Variants in LRATD2 observed in about 807,000 individuals in gnomAD.
LRATD2 encodes protein LRATD2.
A neutral mutation model predicts 12.0 loss-of-function variants in LRATD2; 10 were observed. That is an observed-to-expected ratio of 0.83 (90% CI 0.51 to 1.41). LRATD2 has a LOEUF of 1.41. Among genes scored for constraint, LRATD2 ranks in the 40% most tolerant of loss-of-function variants. LRATD2 has a pLI of 0.00. For missense variants in LRATD2, 455 were observed against 446.1 expected (o/e 1.02, Z -0.18); for synonymous variants, 220 against 205.8 (o/e 1.07, Z -0.59).
In LRATD2 at chr8:126,557,337, G is replaced by C. The variant is rs1301062923; in HGVS notation, c.53C>G (p.Thr18Arg). Residue 18 changes from threonine (T) to arginine (R), a missense_variant, in exon 2 of 2, where the codon ACG becomes AGG. Transcript: ENST00000304916. This position sits in a 1 kb window ranked among gnomAD's most constrained non-coding sequence, Gnocchi z 5.3. ...LTHLSYKEVP[T>R]ADPTGVDRDD... is the part of the protein sequence containing the mutation. ...CCGGTCCACGCCAGTCGGGTCGGCC[G>C]TGGGAACTTCCTTGTAACTTAGGTG... 1 of 1,613,798 alleles carries C rather than the reference G, an allele frequency of 6.2e-7. No homozygotes were observed. Among genetic ancestry groups the C allele is most frequent in the East Asian group, 2.2e-5 (1 of 44,842 alleles).
Position 126,553,536 on chromosome 8 carries a change from AT to A in LRATD2, c.*2920del, listed in dbSNP as rs1324967499. 1 of 152,622 alleles carries A rather than the reference AT, an allele frequency of 6.6e-6. No homozygotes were observed. The highest frequency in any genetic ancestry group is 2.4e-5 in the African/African-American group (1 of 41,442). 9.5% of individuals were successfully genotyped at this position (152,622 alleles called of 1,614,324 possible). A position where few individuals can be genotyped will look rare whatever the true frequency, so the allele number is the denominator to read the frequency against. ...GAAACAAAAATTATTAAATATGTTT[AT>A]TTTTTCTAAAGTGTCAAATGTAGCC... On this transcript the variant is annotated 3_prime_UTR_variant, in exon 2 of 2. Coordinates refer to ENST00000304916, the MANE Select transcript of LRATD2 (RefSeq NM_174911.5).
chr8:126,556,070 G>T lies in LRATD2; in HGVS notation c.*387C>A. 1 of 227,294 alleles carries T rather than the reference G, an allele frequency of 4.4e-6. No homozygotes were observed. The highest frequency in any genetic ancestry group is 8.5e-6 in the Non-Finnish European group (1 of 117,570). The allele number at this position is 227,294 out of a possible 1,614,324, so 14.1% of individuals were successfully genotyped here. ...TTCTACCAGGATTCTTCCAAGCCCA[G>T]GATAGGAAGCAACGGCAGGAATGGG... is the stretch of plus-strand genomic sequence containing the variant. On this transcript the variant is annotated 3_prime_UTR_variant, in exon 2 of 2. Transcript: ENST00000304916. This position sits in a 1 kb window ranked among gnomAD's most constrained non-coding sequence, Gnocchi z 5.6.
rs1252224861 is a variant in LRATD2, at chr8:126,556,426, C to A, written c.*31G>T. 2 of 1,521,564 alleles carry A rather than the reference C, an allele frequency of 1.3e-6. No individual in the cohort carries two copies. The highest frequency in any genetic ancestry group is 1.4e-5 in the African/African-American group (1 of 70,556). 94.3% of individuals were successfully genotyped at this position (1,521,564 alleles called of 1,614,324 possible). On this transcript the variant is annotated 3_prime_UTR_variant, in exon 2 of 2. Transcript: ENST00000304916. This position sits in a 1 kb window ranked among gnomAD's most constrained non-coding sequence, Gnocchi z 5.6. ...GCAGCGGCTGCTACTGCAAACAGTT[C>A]CCCTTCGCAGCTCTGCGCTCAGCTC...
In LRATD2 at chr8:126,557,096, C is replaced by A. The variant is rs769039783; in HGVS notation, c.294G>T (p.Ala98=). 5.0e-6 allele frequency: 8 copies of A among 1,611,718 alleles called. No individual in the cohort carries two copies. The highest frequency in any genetic ancestry group is 5.9e-6 in the Non-Finnish European group (7 of 1,179,994). The change falls in exon 2 of 2, where the codon GCG becomes GCT. Residue 98 remains alanine, a synonymous_variant. Transcript: ENST00000304916. The surrounding 1 kb of genome is among the most constrained non-coding windows in gnomAD (Gnocchi z 5.3). The part of the protein sequence containing the change: ...RDECIYQKSF[A]PGSAALSTYT... ...AGGTACTCAGCGCCGCCGAGCCCGG[C>A]GCGAAGCTCTTCTGGTAGATGCATT...
Position 126,556,651 on chromosome 8 carries a change from G to T in LRATD2, c.739C>A (p.Leu247Ile). The change falls in exon 2 of 2, where the codon CTA becomes ATA. Residue 247 changes from leucine (L) to isoleucine (I), a missense_variant. Physicochemically the swap from Leu to Ile is conservative, Grantham distance 5. Transcript: ENST00000304916. This position sits in a 1 kb window ranked among gnomAD's most constrained non-coding sequence, Gnocchi z 5.6. ...QRSHTLEFQSLEDLIMEKRRN... is the reference protein window; with the variant it reads ...QRSHTLEFQSIEDLIMEKRRN... ...CGCTTCTCCATGATCAGGTCCTCTA[G>T]ACTCTGGAACTCGAGCGTGTGGCTG... is the stretch of plus-strand genomic sequence containing the variant. 1 of 1,612,210 alleles carries T rather than the reference G, an allele frequency of 6.2e-7. No individual in the cohort carries two copies. Among genetic ancestry groups the T allele is most frequent in the East Asian group, 2.2e-5 (1 of 44,826 alleles).
In LRATD2 at chr8:126,556,336, G is replaced by C; in HGVS notation, c.*121C>G. 1 of 1,191,520 alleles carries C rather than the reference G, an allele frequency of 8.4e-7. No individual in the cohort carries two copies. Among genetic ancestry groups the C allele is most frequent in the Non-Finnish European group, 1.1e-6 (1 of 884,670 alleles). 73.8% of individuals were successfully genotyped at this position (1,191,520 alleles called of 1,614,324 possible). ...GCATTTCACCAACTCTTTTCCAAAG[G>C]GCCCAGGAATCCCAGATGGGGCCCA... is the stretch of plus-strand genomic sequence containing the variant. On this transcript the variant is annotated 3_prime_UTR_variant, in exon 2 of 2. Transcript: ENST00000304916. This position sits in a 1 kb window ranked among gnomAD's most constrained non-coding sequence, Gnocchi z 5.6.
chr8:126,555,205 A>G lies in LRATD2; in HGVS notation c.*1252T>C, dbSNP rs906042432. On this transcript the variant is annotated 3_prime_UTR_variant, in exon 2 of 2. Coordinates refer to ENST00000304916, the MANE Select transcript of LRATD2 (RefSeq NM_174911.5). ...AGCAACAAGGAGACTGCTTCAGTAC[A>G]AGACTTTGCACCTTGAATTCAATTG... 6.6e-6 allele frequency: 1 copy of G among 152,212 alleles called. No individual in the cohort carries two copies. The highest frequency in any genetic ancestry group is 1.5e-5 in the Non-Finnish European group (1 of 68,040). The allele number at this position is 152,212 out of a possible 1,614,324, so 9.4% of individuals were successfully genotyped here.
rs995506438 is a variant in LRATD2 at position 126,556,136 on chromosome 8, C to G, written c.*321G>C. The G allele has an allele frequency of 1.1e-5, 4 of 366,788 alleles. No individual in the cohort carries two copies. Among genetic ancestry groups the G allele is most frequent in the African/African-American group, 8.5e-5 (4 of 47,028 alleles). 22.7% of individuals were successfully genotyped at this position (366,788 alleles called of 1,614,324 possible). A position where few individuals can be genotyped will look rare whatever the true frequency, so the allele number is the denominator to read the frequency against. On this transcript the variant is annotated 3_prime_UTR_variant, in exon 2 of 2. Coordinates refer to ENST00000304916, the MANE Select transcript of LRATD2 (RefSeq NM_174911.5). The surrounding 1 kb of genome is among the most constrained non-coding windows in gnomAD (Gnocchi z 5.6). ...CCCAACCCCACGTGCTTAAGAATGG[C>G]CGATTATAAACCCAGATCTACCAAG...
rs1461871137 is a variant in LRATD2 at position 126,556,877 on chromosome 8, G to A, written c.513C>T (p.Tyr171=). 7 of 1,607,016 alleles carry A rather than the reference G, an allele frequency of 4.4e-6. No homozygotes were observed. The highest frequency in any genetic ancestry group is 5.9e-6 in the Non-Finnish European group (7 of 1,179,578). The change falls in exon 2 of 2, where the codon TAC becomes TAT. Residue 171 remains tyrosine, a synonymous_variant. Coordinates refer to ENST00000304916, the MANE Select transcript of LRATD2 (RefSeq NM_174911.5). This position sits in a 1 kb window ranked among gnomAD's most constrained non-coding sequence, Gnocchi z 5.6. ...GRRGRVVNDL[Y]RYKPLSSSAV... ...CGCTGGAGCTTAGCGGCTTGTAGCG[G>A]TACAGATCGTTGACCACGCGGCCGC...
rs548920238 is a variant in LRATD2, at chr8:126,556,024, T to C, written c.*433A>G. On this transcript the variant is annotated 3_prime_UTR_variant, in exon 2 of 2. Coordinates refer to ENST00000304916, the MANE Select transcript of LRATD2 (RefSeq NM_174911.5). This position sits in a 1 kb window ranked among gnomAD's most constrained non-coding sequence, Gnocchi z 5.6. ...TTCGTGCTGGTCCCGCAGTGGCGAC[T>C]CCACAAACCCACTCTGGCCTTTCTA... 4.4e-4 allele frequency: 79 copies of C among 177,666 alleles called. No homozygotes were observed. The highest frequency in any genetic ancestry group is 4.9e-3 in the Middle Eastern group (2 of 408). The allele number at this position is 177,666 out of a possible 1,614,324, so 11.0% of individuals were successfully genotyped here. A position where few individuals can be genotyped will look rare whatever the true frequency, so the allele number is the denominator to read the frequency against.
rs1462927010 is a variant in LRATD2 at position 126,556,605 on chromosome 8, C to G, written c.785G>C (p.Arg262Pro). The part of the protein sequence containing the change: ...MEKRRNDQIG[R>P]AAVLQELATH... ...GGCGAGCTCCTGCAGCACGGCCGCG[C>G]GCCCGATCTGGTCGTTGCGTCGCTT... Residue 262 changes from arginine (R) to proline (P), a missense_variant, in exon 2 of 2, where the codon CGC (arginine) becomes CCC (proline). Physicochemically the swap from Arg to Pro is moderately radical, Grantham distance 103. Transcript: ENST00000304916. This position sits in a 1 kb window ranked among gnomAD's most constrained non-coding sequence, Gnocchi z 5.6. The G allele has an allele frequency of 1.9e-6, 3 of 1,610,308 alleles. No individual in the cohort carries two copies. Among genetic ancestry groups the G allele is most frequent in the Non-Finnish European group, 1.7e-6 (2 of 1,178,308 alleles).
rs1021281837 is a variant in LRATD2, at chr8:126,555,046, C to T, written c.*1411G>A. 3.3e-5 allele frequency: 5 copies of T among 152,284 alleles called. No homozygotes were observed. Among genetic ancestry groups the T allele is most frequent in the African/African-American group, 4.8e-5 (2 of 41,562 alleles). 9.4% of individuals were successfully genotyped at this position (152,284 alleles called of 1,614,324 possible). A position where few individuals can be genotyped will look rare whatever the true frequency, so the allele number is the denominator to read the frequency against. On this transcript the variant is annotated 3_prime_UTR_variant, in exon 2 of 2. Transcript: ENST00000304916. ...ACCAAGTAGTATCTGCTCAGCCTGC[C>T]GCTAACAGATCTCACAATCACCAAC...
rs1817401372 is a variant in LRATD2 at position 126,556,580 on chromosome 8, G to C, written c.810C>G (p.Ala270=). The C allele has an allele frequency of 6.2e-7, 1 of 1,609,590 alleles. No homozygotes were observed. The highest frequency in any genetic ancestry group is 8.5e-7 in the Non-Finnish European group (1 of 1,178,090). Residue 270 remains alanine (A), a synonymous_variant, in exon 2 of 2, where the codon GCC becomes GCG. Coordinates refer to ENST00000304916, the MANE Select transcript of LRATD2 (RefSeq NM_174911.5). The surrounding 1 kb of genome is among the most constrained non-coding windows in gnomAD (Gnocchi z 5.6). ...IGRAAVLQEL[A]THLHPAEPEE... is the part of the protein sequence containing the mutation. The stretch of plus-strand genomic sequence containing the variant: ...CCGGCTCCGCCGGGTGCAGGTGCGT[G>C]GCGAGCTCCTGCAGCACGGCCGCGC...
rs1379228781 is a variant in LRATD2, at chr8:126,554,340, A to G, written c.*2117T>C. 6.6e-6 allele frequency: 1 copy of G among 152,266 alleles called. No homozygotes were observed. The highest frequency in any genetic ancestry group is 2.4e-5 in the African/African-American group (1 of 41,464). 9.4% of individuals were successfully genotyped at this position (152,266 alleles called of 1,614,324 possible). ...ATTTTCACTACTGTGTTAAGCATGA[A>G]AGAAAATCCAACTGGGTTAGATACA... is the stretch of plus-strand genomic sequence containing the variant. On this transcript the variant is annotated 3_prime_UTR_variant, in exon 2 of 2. Coordinates refer to ENST00000304916, the MANE Select transcript of LRATD2 (RefSeq NM_174911.5).
Position 126,557,404 on chromosome 8 carries a change from A to C in LRATD2, c.-15T>G. On this transcript the variant is annotated 5_prime_UTR_variant, in exon 2 of 2. Transcript: ENST00000304916. This position sits in a 1 kb window ranked among gnomAD's most constrained non-coding sequence, Gnocchi z 5.3. ...TGGTTGCCCATCACGCTGCGGACAC[A>C]CGTTCACACCGCCGCAAGGGGAGAA... 6.2e-7 allele frequency: 1 copy of C among 1,608,712 alleles called. No individual in the cohort carries two copies. Among genetic ancestry groups the C allele is most frequent in the South Asian group, 1.1e-5 (1 of 90,236 alleles).
rs764709675 is a variant in LRATD2, at chr8:126,556,988, G to T, written c.402C>A (p.Ala134=). The T allele has an allele frequency of 6.2e-7, 1 of 1,608,122 alleles. No homozygotes were observed. The highest frequency in any genetic ancestry group is 1.7e-5 in the Admixed American group (1 of 60,028). The change falls in exon 2 of 2, where the codon GCC becomes GCA. Residue 134 remains alanine, a synonymous_variant. Coordinates refer to ENST00000304916, the MANE Select transcript of LRATD2 (RefSeq NM_174911.5). This position sits in a 1 kb window ranked among gnomAD's most constrained non-coding sequence, Gnocchi z 5.6. ...CCACCTGGAAGTTACCCACATATAC[G>T]GCCCAGTGCGGGTACTGAGCCTGCG... ...FVSQAQYPHW[A]VYVGNFQVVH...
rs1359018791 is a variant in LRATD2 at position 126,554,840 on chromosome 8, AG to A, written c.*1616del. 3.7e-5 allele frequency: 5 copies of A among 135,838 alleles called. No individual in the cohort carries two copies. Among genetic ancestry groups the A allele is most frequent in the Non-Finnish European group, 6.0e-5 (4 of 66,592 alleles). The allele number at this position is 135,838 out of a possible 1,614,324, so 8.4% of individuals were successfully genotyped here. ...AGTAGTTTACAACGACTCCCAAGAG[AG>A]GAAAAAAAAAAAAAGACGCCTCAAA... is the stretch of plus-strand genomic sequence containing the variant. On this transcript the variant is annotated 3_prime_UTR_variant, in exon 2 of 2. Transcript: ENST00000304916.
In LRATD2 at chr8:126,557,560, C is replaced by T; in HGVS notation, c.-96-75G>A. On this transcript the variant is annotated intron_variant, in intron 1 of 1. Coordinates refer to ENST00000304916, the MANE Select transcript of LRATD2 (RefSeq NM_174911.5). This position sits in a 1 kb window ranked among gnomAD's most constrained non-coding sequence, Gnocchi z 5.3. ...AGGGCGTTTTGTTCCGAAAAAGAAT[C>T]GGTGGGGGCTCAGCACCTGGAGCCA... 4.2e-6 allele frequency: 3 copies of T among 708,534 alleles called. No individual in the cohort carries two copies. The South Asian group carries it at 5.9e-5, about 14-fold the overall frequency. The allele number at this position is 708,534 out of a possible 1,614,324, so 43.9% of individuals were successfully genotyped here.
Position 126,556,589 on chromosome 8 carries a change from C to T in LRATD2, c.801G>A (p.Gln267=). 6.2e-7 allele frequency: 1 copy of T among 1,610,042 alleles called. No homozygotes were observed. Among genetic ancestry groups the T allele is most frequent in the Non-Finnish European group, 8.5e-7 (1 of 1,178,214 alleles). Residue 267 remains glutamine (Q), a synonymous_variant, in exon 2 of 2, where the codon CAG becomes CAA. Coordinates refer to ENST00000304916, the MANE Select transcript of LRATD2 (RefSeq NM_174911.5). This position sits in a 1 kb window ranked among gnomAD's most constrained non-coding sequence, Gnocchi z 5.6. ...NDQIGRAAVL[Q]ELATHLHPAE... ...CCGGGTGCAGGTGCGTGGCGAGCTC[C>T]TGCAGCACGGCCGCGCGCCCGATCT...
Sources: allele counts gnomAD v4.1 joint callset, GRCh38; gene constraint gnomAD v4.1.1; non-coding constraint Gnocchi (gnomAD v3.1); transcripts MANE v1.5; gene names NCBI Gene and HGNC (gene_info 2026-07-23, HGNC 2026-07-21).